RASEF: variants seen among roughly 807,000 people sequenced by gnomAD.
RASEF encodes RAS and EF-hand domain containing.
A neutral mutation model predicts 90.1 loss-of-function variants in RASEF; 68 were observed. The ratio of observed to expected loss-of-function variants is 0.75; its 90% CI spans 0.62 to 0.92. The LOEUF (loss-of-function observed/expected upper bound fraction) is 0.92, where lower values mean the gene tolerates loss of function less well. RASEF is among the 40% of genes least tolerant of loss of function. The pLI is 0.00. For synonymous variants in RASEF, 331 were observed against 345.2 expected, an observed-to-expected ratio of 0.96 and a Z score of 0.46; for missense variants, 949 against 937.2, an observed-to-expected ratio of 1.01 and a Z score of -0.16.
At chr9:83,208,444 A>C in the RASEF span, among the ~76,000 whole-genome samples, 1 of 152,162 alleles carries the variant, frequency 6.6e-6, no homozygotes, top group Non-Finnish European at 1.5e-5. Context: ...CTCCAGAAGT[A>C]ACCATTTCTG....
At chr9:83,072,349 A>C in the RASEF span, among the ~76,000 whole-genome samples, 1 of 152,178 alleles carries the variant, frequency 6.6e-6, no homozygotes, top group African/African-American at 2.4e-5. Flanking sequence ...TCCTCTGTCC[A>C]GTATCCTTTC....
intron 12 of RASEF, among the ~76,000 whole-genome samples, chr9:82,999,726 C>T (rs1828988971): frequency 6.6e-6 from 1 of 151,840 alleles, no homozygotes; most frequent in African/African-American, 2.4e-5. Context: ...GCCTCAGCCT[C>T]CCGAGTTGCT....
chr9:82,981,289 AT>A lies in RASEF; in HGVS notation c.*1387del. ...TCTCAGTGGGGAGGTCTGGGAAGCAATGCAGGTTCTGGAAGGAGAGTAGGCC... is the reference window on the plus strand; with the variant it reads ...TCTCAGTGGGGAGGTCTGGGAAGCAAGCAGGTTCTGGAAGGAGAGTAGGCC... On this transcript the variant is annotated 3_prime_UTR_variant, in exon 17 of 17. Transcript: ENST00000376447. 1 of 152,264 alleles carries A rather than the reference AT, an allele frequency of 6.6e-6. No individual in the cohort carries two copies. Among genetic ancestry groups the A allele is most frequent in the African/African-American group, 2.4e-5 (1 of 41,548 alleles). 9.4% of individuals were successfully genotyped at this position (152,264 alleles called of 1,614,324 possible). A position where few individuals can be genotyped will look rare whatever the true frequency, so the allele number is the denominator to read the frequency against.
chr9:83,113,074 A>G, the RASEF span, among the ~76,000 whole-genome samples: 1 of 152,354 alleles, frequency 6.6e-6, no homozygotes. Flanking sequence ...TATTGATATC[A>G]TAACCTGTGT....
At chr9:83,215,473 C>T in the RASEF span, among the ~76,000 whole-genome samples, 3 of 152,200 alleles carry the variant, frequency 2.0e-5, no homozygotes, top group East Asian at 5.8e-4. Flanking sequence ...GCCTATAGTG[C>T]TCCCCTGGCT....
chr9:83,181,076 A>G, the RASEF span, among the ~76,000 whole-genome samples: 1 of 149,912 alleles, frequency 6.7e-6, no homozygotes, highest in Non-Finnish European at 1.5e-5. Flanking sequence ...CACCCCTTTT[A>G]CTCTCAAATG....
At chr9:83,177,942 C>T in the RASEF span, among the ~76,000 whole-genome samples, 3 of 151,888 alleles carry the variant, frequency 2.0e-5, no homozygotes, top group Admixed American at 6.6e-5. Flanking sequence ...TTTCCTTTTT[C>T]TCTGCTCTTT....
At chr9:82,990,350 A>C (rs1828789534) in intron 16 of RASEF, 41 bp downstream of exon 16, 7 of 1,397,664 alleles carry the variant, frequency 5.0e-6, no homozygotes, top group Non-Finnish European at 7.1e-6. Context: ...CATATGCAAC[A>C]AGCGAAAATT....
Position 83,007,223 on chromosome 9 carries a change from T to C in RASEF, c.1028+214A>G, listed in dbSNP as rs561520484. On this transcript the variant is annotated intron_variant, in intron 7 of 16. Coordinates refer to ENST00000376447, the MANE Select transcript of RASEF (RefSeq NM_152573.4). ...TGACTTCCCAAGATGTTTAGAGATT[T>C]ATACTCTATTCCCACATCTGAATAA... is the stretch of plus-strand genomic sequence containing the variant. Among the ~76,000 whole-genome samples the C allele has an allele frequency of 2.0e-5, 3 of 152,244 alleles. No individual in the cohort carries two copies. The East Asian group carries it at 5.8e-4, about 29-fold the overall frequency.
chr9:83,120,884 C>T, the RASEF span, among the ~76,000 whole-genome samples: 1 of 152,156 alleles, frequency 6.6e-6, no homozygotes, highest in Non-Finnish European at 1.5e-5. Flanking sequence ...ATATCAACCA[C>T]CATCTGATAC....
intron 16 of RASEF, among the ~76,000 whole-genome samples, 166 bp downstream of exon 16, chr9:82,990,225 G>A (rs985864255): frequency 1.5e-4 from 23 of 152,166 alleles, no homozygotes; most frequent in Admixed American, 7.9e-4. Flanking sequence ...AGTGTTGACA[G>A]CAACGTTGCC....
the RASEF span, among the ~76,000 whole-genome samples, chr9:83,140,397 T>C: frequency 6.6e-6 from 1 of 152,230 alleles, no homozygotes; most frequent in African/African-American, 2.4e-5. Flanking sequence ...CACTGGCTCA[T>C]AGATAGAAAA....
chr9:83,167,632 C>A, the RASEF span, among the ~76,000 whole-genome samples: 39 of 152,214 alleles, frequency 2.6e-4, no homozygotes, highest in African/African-American at 9.1e-4. Context: ...ACATTTTTAT[C>A]ATCCTCCAGA....
the RASEF span, among the ~76,000 whole-genome samples, chr9:83,143,636 A>G: frequency 3.9e-5 from 6 of 152,222 alleles, no homozygotes. Context: ...AATGGCTGTT[A>G]TTAAAAAGTC....
chr9:83,001,095 T>C lies in RASEF; in HGVS notation c.1238A>G (p.Asp413Gly). Residue 413 changes from aspartate to glycine, a missense_variant, in exon 10 of 17, where the codon GAC becomes GGC. Physicochemically the swap from Asp to Gly is moderately conservative, Grantham distance 94. Coordinates refer to ENST00000376447, the MANE Select transcript of RASEF (RefSeq NM_152573.4). Reference sequence around the variant, plus strand: ...CAGAGGATCACAGAGGGCCAGGGAGTCACAGTCCTCATCCACATAGGAAGA... The same window carrying C: ...CAGAGGATCACAGAGGGCCAGGGAGCCACAGTCCTCATCCACATAGGAAGA... ...SRSSYVDEDC[D>G]SLALCDPLQR... is the part of the protein sequence containing the mutation. 1 of 1,613,928 alleles carries C rather than the reference T, an allele frequency of 6.2e-7. No individual in the cohort carries two copies.
intron 2 of RASEF, among the ~76,000 whole-genome samples, chr9:83,024,464 T>A (rs997861157): frequency 6.6e-6 from 1 of 152,184 alleles, no homozygotes; most frequent in Non-Finnish European, 1.5e-5. Flanking sequence ...TCTGTTTTAA[T>A]ACTTATTGGA....
the RASEF span, among the ~76,000 whole-genome samples, chr9:83,172,223 T>A: frequency 6.6e-6 from 1 of 151,968 alleles, no homozygotes; most frequent in East Asian, 1.9e-4. Context: ...AAGGTTCATC[T>A]TCTTATCAAT....
chr9:83,200,008 G>A, the RASEF span, among the ~76,000 whole-genome samples: 1 of 152,192 alleles, frequency 6.6e-6, no homozygotes, highest in Non-Finnish European at 1.5e-5. Flanking sequence ...GCTTAAGTAA[G>A]AAAGTGGTAG....
chr9:83,126,845 A>G, the RASEF span, among the ~76,000 whole-genome samples: 2 of 152,226 alleles, frequency 1.3e-5, no homozygotes, highest in Admixed American at 1.3e-4. Flanking sequence ...TTAACATATC[A>G]TATTACTTTT....
Sources: allele counts gnomAD v4.1 joint callset (sites outside exome capture counted in the v4.1 genomes callset), GRCh38; gene constraint gnomAD v4.1.1; transcripts MANE v1.5; gene names NCBI Gene and HGNC (gene_info 2026-07-23, HGNC 2026-07-21).